Variants in TRDMT1 observed in about 807,000 individuals in gnomAD.
The protein encoded by TRDMT1 is tRNA aspartic acid methyltransferase 1.
TRDMT1 carries 49 observed loss-of-function variants against 51.2 expected under a neutral mutation model. That is an observed-to-expected ratio of 0.96 (90% CI 0.76 to 1.21). TRDMT1 has a LOEUF of 1.21. Ranked by LOEUF, TRDMT1 falls within the 50% of genes most tolerant of loss-of-function variation. The pLI is 0.00. For synonymous variants in TRDMT1, 187 were observed against 164.6 expected (o/e 1.14, Z -1.04); for missense variants, 534 against 462.3 (o/e 1.16, Z -1.42).
intron 2 of TRDMT1, among the ~76,000 whole-genome samples, chr10:17,170,875 T>A (rs1044158052): frequency 6.6e-6 from 1 of 152,192 alleles, no homozygotes. Flanking sequence ...GCGTCCTTAT[T>A]AAAGCACTAA....
chr10:17,153,166 G>T, intron 10 of TRDMT1: 1 of 408,888 alleles, frequency 2.4e-6, no homozygotes, highest in Non-Finnish European at 4.3e-6. Flanking sequence ...AGTGTGGGGT[G>T]ATTAGGAGAG....
In TRDMT1 at chr10:17,159,179, C is replaced by G; in HGVS notation, c.510G>C (p.Gln170His). The change falls in exon 7 of 11, where the codon CAG becomes CAC. Residue 170 changes from glutamine (Q) to histidine (H), a missense_variant. Transcript: ENST00000377799. ...RLRYFLIAKL[Q>H]SEPLPFQAPG... is the part of the protein sequence containing the mutation. ...GGGCTTGAAAGGGTAATGGCTCTGA[C>G]TGAAGCTTTGCAATAAGAAAATATC... 1 of 1,604,156 alleles carries G rather than the reference C, an allele frequency of 6.2e-7. No individual in the cohort carries two copies. The highest frequency in any genetic ancestry group is 8.5e-7 in the Non-Finnish European group (1 of 1,174,850).
intron 8 of TRDMT1, among the ~76,000 whole-genome samples, chr10:17,155,488 C>T (rs577764041): frequency 2.0e-5 from 3 of 152,202 alleles, no homozygotes; most frequent in East Asian, 1.9e-4. Context: ...AGGAACCCAC[C>T]GCCCTGCTCT....
intron 5 of TRDMT1, among the ~76,000 whole-genome samples, chr10:17,160,828 C>T (rs1403621016): frequency 6.6e-6 from 1 of 152,080 alleles, no homozygotes; most frequent in African/African-American, 2.4e-5. Flanking sequence ...AGATAATGAC[C>T]CTACGTTTTT....
intron 3 of TRDMT1, among the ~76,000 whole-genome samples, chr10:17,166,126 G>A (rs1303195954): frequency 6.6e-6 from 1 of 152,096 alleles, no homozygotes; most frequent in Non-Finnish European, 1.5e-5. Context: ...CAACCCAAGT[G>A]TCCAACAATG....
chr10:17,147,266 T>C lies in TRDMT1; in HGVS notation c.*1774A>G, dbSNP rs1838199075. ...TATGAGACTTGTAATAGGCTCTGTC[T>C]GAACACATATGAAAAATGTAGATAG... is the stretch of plus-strand genomic sequence containing the variant. On this transcript the variant is annotated 3_prime_UTR_variant, in exon 11 of 11. Transcript: ENST00000377799. 2.0e-6 allele frequency: 2 copies of C among 985,762 alleles called. No homozygotes were observed. Among genetic ancestry groups the C allele is most frequent in the East Asian group, 1.1e-4 (1 of 8,818 alleles). 61.1% of individuals were successfully genotyped at this position (985,762 alleles called of 1,614,324 possible).
rs1435996322 is a variant in TRDMT1 at position 17,157,517 on chromosome 10, T to C, written c.811A>G (p.Lys271Glu). The C allele has an allele frequency of 6.2e-7, 1 of 1,613,866 alleles. No homozygotes were observed. Among genetic ancestry groups the C allele is most frequent in the Admixed American group, 1.7e-5 (1 of 59,988 alleles). Residue 271 changes from lysine (K) to glutamate (E), a missense_variant, in exon 8 of 11, where the codon AAG (lysine) becomes GAG (glutamate). By Grantham distance (56) the Lys-to-Glu change is moderately conservative (BLOSUM62 1). Transcript: ENST00000377799. Reference protein sequence around the residue: ...TDVNQYLLPPKSLLRYALLLD... With the variant: ...TDVNQYLLPPESLLRYALLLD... ...AGAAGAGCATATCGCAGCAATGACT[T>C]TGGTGGTAAAAGATACTGGTTCACG...
chr10:17,194,624 A>G (rs1163012906), intron 1 of TRDMT1, among the ~76,000 whole-genome samples: 1 of 152,146 alleles, frequency 6.6e-6, no homozygotes, highest in Non-Finnish European at 1.5e-5. Context: ...ACCAGTCACA[A>G]TGGCTACGAT....
intron 2 of TRDMT1, 137 bp from the exon 3 acceptor site, chr10:17,169,054 G>A (rs1251609318): frequency 1.5e-6 from 1 of 655,916 alleles, no homozygotes; most frequent in Non-Finnish European, 2.5e-6. Flanking sequence ...ATCAACTTTG[G>A]TTAACTAACT....
intron 1 of TRDMT1, among the ~76,000 whole-genome samples, chr10:17,194,794 G>A (rs755008617): frequency 5.9e-5 from 9 of 151,858 alleles, no homozygotes; most frequent in South Asian, 2.1e-4. Flanking sequence ...TTAGCCAAGC[G>A]TGGTCGTGGG....
chr10:17,154,820 A>G lies in TRDMT1; in HGVS notation c.888-86T>C. On this transcript the variant is annotated intron_variant, in intron 8 of 10. Coordinates refer to ENST00000377799, the MANE Select transcript of TRDMT1 (RefSeq NM_004412.7). ...AAATATTTATTGAATGAATTAATCA[A>G]TCTACACAGTTACATCCTTCTGAAA... The G allele has an allele frequency of 5.2e-6, 6 of 1,158,584 alleles. No homozygotes were observed. The South Asian group carries it at 5.9e-5, about 11-fold the overall frequency. The allele number at this position is 1,158,584 out of a possible 1,614,324, so 71.8% of individuals were successfully genotyped here. A position where few individuals can be genotyped will look rare whatever the true frequency, so the allele number is the denominator to read the frequency against.
rs952942594 is a variant in TRDMT1 at position 17,140,724 on chromosome 10, A to T, written c.*8316T>A. Among the ~76,000 whole-genome samples the T allele has an allele frequency of 3.2e-4, 5 of 15,868 alleles. No homozygotes were observed. Among genetic ancestry groups the T allele is most frequent in the African/African-American group, 7.7e-4 (5 of 6,524 alleles). 10.4% of individuals were successfully genotyped at this position (15,868 alleles called of 152,430 possible). A position where few individuals can be genotyped will look rare whatever the true frequency, so the allele number is the denominator to read the frequency against. ...ACTAATATTATGCCACATTGATGAA[A>T]ACAAAAACAACAAAAAAGATCACAT... is the stretch of plus-strand genomic sequence containing the variant. On this transcript the variant is annotated 3_prime_UTR_variant, in exon 11 of 11. Transcript: ENST00000377799.
rs1417143140 is a variant in TRDMT1, at chr10:17,139,891, T to C, written c.*9149A>G. Among the ~76,000 whole-genome samples the C allele has an allele frequency of 6.6e-6, 1 of 152,090 alleles. No individual in the cohort carries two copies. Among genetic ancestry groups the C allele is most frequent in the African/African-American group, 2.4e-5 (1 of 41,396 alleles). ...ACACCTTTGTATGCTTTCTTTATAGTGACTTGGACCATATTTGTTACGGAA... is the reference window on the plus strand; with the variant it reads ...ACACCTTTGTATGCTTTCTTTATAGCGACTTGGACCATATTTGTTACGGAA... On this transcript the variant is annotated 3_prime_UTR_variant, in exon 11 of 11. Transcript: ENST00000377799.
At chr10:17,166,106 G>A (rs539687879) in intron 3 of TRDMT1, among the ~76,000 whole-genome samples, 162 of 152,144 alleles carry the variant, frequency 1.1e-3, no homozygotes, top group African/African-American at 3.7e-3. Context: ...CAATAGCAAA[G>A]ACTTGGAACC....
In TRDMT1 at chr10:17,148,215, G is replaced by A; in HGVS notation, c.*825C>T. 2 of 985,394 alleles carry A rather than the reference G, an allele frequency of 2.0e-6. No individual in the cohort carries two copies. The highest frequency in any genetic ancestry group is 2.4e-6 in the Non-Finnish European group (2 of 829,936). The allele number at this position is 985,394 out of a possible 1,614,324, so 61.0% of individuals were successfully genotyped here. A position where few individuals can be genotyped will look rare whatever the true frequency, so the allele number is the denominator to read the frequency against. Reference sequence around the variant, plus strand: ...CTACAATAAAGAACAACTGGGGGGAGGGGAGTACTGTCATATGACATGGGA... The same window carrying A: ...CTACAATAAAGAACAACTGGGGGGAAGGGAGTACTGTCATATGACATGGGA... On this transcript the variant is annotated 3_prime_UTR_variant, in exon 11 of 11. Coordinates refer to ENST00000377799, the MANE Select transcript of TRDMT1 (RefSeq NM_004412.7).
intron 1 of TRDMT1, among the ~76,000 whole-genome samples, chr10:17,182,954 A>C (rs1843452146): frequency 6.6e-6 from 1 of 152,262 alleles, no homozygotes; most frequent in Admixed American, 6.5e-5. Flanking sequence ...AAGATTGGAT[A>C]AATGAACACT....
At position 17,143,413 on chromosome 10, in the gene TRDMT1, G is replaced by C. The variant is rs942004248; in HGVS notation, c.*5627C>G. 8.1e-6 allele frequency: 8 copies of C among 985,288 alleles called. No individual in the cohort carries two copies. The African/African-American group carries it at 1.4e-4, about 17-fold the overall frequency. The allele number at this position is 985,288 out of a possible 1,614,324, so 61.0% of individuals were successfully genotyped here. On this transcript the variant is annotated 3_prime_UTR_variant, in exon 11 of 11. Coordinates refer to ENST00000377799, the MANE Select transcript of TRDMT1 (RefSeq NM_004412.7). ...CAGCTTATTGTCTACTCATTCATAG[G>C]ATCAGCTCTTAAATATGAAAGTCAA...
intron 1 of TRDMT1, among the ~76,000 whole-genome samples, chr10:17,185,449 G>C (rs1843754139): frequency 6.6e-6 from 1 of 152,196 alleles, no homozygotes; most frequent in African/African-American, 2.4e-5. Context: ...TGGAGAAATA[G>C]GAACACTTTT....
At chr10:17,191,944 C>T (rs1844742236) in intron 1 of TRDMT1, among the ~76,000 whole-genome samples, 1 of 152,118 alleles carries the variant, frequency 6.6e-6, no homozygotes, top group Non-Finnish European at 1.5e-5. Context: ...GGTCGACAAT[C>T]ATTCTGAGGG....
Sources: gnomAD v4.1 joint callset for allele counts (sites outside exome capture counted in the v4.1 genomes callset) on GRCh38, gnomAD v4.1.1 for gene constraint, MANE v1.5 for transcripts, NCBI Gene and HGNC (gene_info 2026-07-23, HGNC 2026-07-21) for gene names.